PDE3B: variants seen among roughly 807,000 people sequenced by gnomAD.
The protein encoded by PDE3B is phosphodiesterase 3B.
Under a neutral mutation model 116.8 loss-of-function variants are expected in PDE3B, and 66 were observed. The ratio of observed to expected loss-of-function variants is 0.56; its 90% CI spans 0.46 to 0.69. The LOEUF (loss-of-function observed/expected upper bound fraction) is 0.69, where lower values mean the gene tolerates loss of function less well. Ranked by LOEUF, PDE3B falls within the 30% of genes least tolerant of loss-of-function variation. PDE3B has a pLI of 0.00. For synonymous variants in PDE3B, 595 were observed against 533.6 expected (o/e 1.12, Z -1.59); for missense variants, 1,384 against 1,368.1 (o/e 1.01, Z -0.18).
intron 12 of PDE3B, among the ~76,000 whole-genome samples, chr11:14,846,643 A>T (rs2133977121): frequency 6.6e-6 from 1 of 152,320 alleles, no homozygotes; most frequent in South Asian, 2.1e-4. Flanking sequence ...GGATGGAGGA[A>T]GATCTACCAA....
chr11:14,848,495 T>C (rs1317293691), intron 12 of PDE3B, among the ~76,000 whole-genome samples: 1 of 151,658 alleles, frequency 6.6e-6, no homozygotes, highest in Non-Finnish European at 1.5e-5. Flanking sequence ...CCAGGGCAAT[T>C]AGGCAGGAGA....
chr11:14,782,156 A>G (rs530313893), intron 2 of PDE3B, among the ~76,000 whole-genome samples: 356 of 152,320 alleles, frequency 2.3e-3, no homozygotes, highest in African/African-American at 8.2e-3. Flanking sequence ...ACGAAGTAAA[A>G]GAGGACACAA....
chr11:14,819,953 A>G (rs1859467469), intron 7 of PDE3B, among the ~76,000 whole-genome samples: 1 of 152,120 alleles, frequency 6.6e-6, no homozygotes, highest in Non-Finnish European at 1.5e-5. Flanking sequence ...CAGAGGCTAG[A>G]GTTGAAGGCT....
At chr11:14,827,941 A>T (rs1035481559) in intron 7 of PDE3B, among the ~76,000 whole-genome samples, 3 of 152,186 alleles carry the variant, frequency 2.0e-5, no homozygotes, top group Non-Finnish European at 2.9e-5. Flanking sequence ...GTAACAAAAT[A>T]TCATGGTACT....
At chr11:14,790,157 G>C (rs1344327276) in intron 4 of PDE3B, among the ~76,000 whole-genome samples, 1 of 151,878 alleles carries the variant, frequency 6.6e-6, no homozygotes, top group African/African-American at 2.4e-5. Flanking sequence ...TAGATTCTTA[G>C]GTGGTTTATT....
At chr11:14,878,261 A>G in the PDE3B span, 43 of 1,612,954 alleles carry the variant, frequency 2.7e-5, no homozygotes, top group Non-Finnish European at 3.5e-5. Flanking sequence ...GAACATTTCC[A>G]TCCGAGCCAA....
intron 10 of PDE3B, among the ~76,000 whole-genome samples, chr11:14,833,074 C>G (rs781544849): frequency 2.0e-5 from 3 of 151,892 alleles, no homozygotes; most frequent in Non-Finnish European, 4.4e-5. Flanking sequence ...TCTTGGCCCT[C>G]GCAGGTAGCT....
At chr11:14,715,828 A>G (rs969157412) in intron 1 of PDE3B, among the ~76,000 whole-genome samples, 7 of 152,172 alleles carry the variant, frequency 4.6e-5, no homozygotes, top group Non-Finnish European at 8.8e-5. Flanking sequence ...GCATTGCGAC[A>G]CTATTAACAG....
chr11:14,649,486 C>G (rs1171693552), intron 1 of PDE3B, among the ~76,000 whole-genome samples: 1 of 152,198 alleles, frequency 6.6e-6, no homozygotes, highest in South Asian at 2.1e-4. Flanking sequence ...TAGGTCTTTA[C>G]TCCTAGTCCA....
intron 1 of PDE3B, among the ~76,000 whole-genome samples, chr11:14,725,983 G>T (rs1856295648): frequency 6.6e-6 from 1 of 152,052 alleles, no homozygotes; most frequent in South Asian, 2.1e-4. Context: ...ATTTTGGAAT[G>T]CTCTTTCCCT....
intron 13 of PDE3B, among the ~76,000 whole-genome samples, chr11:14,860,781 T>C (rs1384337863): frequency 6.6e-6 from 1 of 152,202 alleles, no homozygotes; most frequent in Non-Finnish European, 1.5e-5. Flanking sequence ...CACTATATCA[T>C]GTTGCCTTTC....
intron 1 of PDE3B, among the ~76,000 whole-genome samples, chr11:14,668,659 A>G (rs1440577666): frequency 6.6e-6 from 1 of 152,154 alleles, no homozygotes; most frequent in African/African-American, 2.4e-5. Flanking sequence ...ATACAATGAA[A>G]GGAAGGTCCC....
intron 1 of PDE3B, among the ~76,000 whole-genome samples, chr11:14,709,713 T>A (rs940368382): frequency 1.3e-5 from 2 of 152,206 alleles, no homozygotes; most frequent in Admixed American, 1.3e-4. Flanking sequence ...GTGCTGTTGC[T>A]TTCCTTGTAA....
chr11:14,786,293 C>A (rs1858192202), intron 2 of PDE3B, 144 bp from the exon 3 acceptor site: 3 of 528,320 alleles, frequency 5.7e-6, no homozygotes, highest in South Asian at 6.4e-5. Flanking sequence ...ATGTGATAAT[C>A]AGCTAGCGAA....
intron 4 of PDE3B, among the ~76,000 whole-genome samples, chr11:14,798,512 G>C (rs569019371): frequency 6.6e-6 from 1 of 152,250 alleles, no homozygotes; most frequent in East Asian, 1.9e-4. Flanking sequence ...AATGGTACTA[G>C]CTCCTCTTTG....
chr11:14,885,969 T>C, the PDE3B span: 1 of 1,571,178 alleles, frequency 6.4e-7, no homozygotes, highest in Admixed American at 1.7e-5. Flanking sequence ...TATGGAGAAA[T>C]ATAACCATGG....
intron 1 of PDE3B, among the ~76,000 whole-genome samples, chr11:14,667,351 G>T (rs183098608): frequency 7.8e-4 from 118 of 151,566 alleles, no homozygotes; most frequent in African/African-American, 2.6e-3. Context: ...GAGTTAATGA[G>T]TGCAGCACAC....
chr11:14,782,765 C>T (rs1858053109), intron 2 of PDE3B, among the ~76,000 whole-genome samples: 1 of 152,120 alleles, frequency 6.6e-6, no homozygotes, highest in Non-Finnish European at 1.5e-5. Flanking sequence ...CAAATGGGAT[C>T]TAATTAAACT....
At chr11:14,692,593 A>C (rs1331458645) in intron 1 of PDE3B, among the ~76,000 whole-genome samples, 4 of 152,094 alleles carry the variant, frequency 2.6e-5, no homozygotes, top group Non-Finnish European at 4.4e-5. Context: ...TATTATGACT[A>C]TTTGTGATCA....
Sources: allele counts gnomAD v4.1 joint callset (sites outside exome capture counted in the v4.1 genomes callset), GRCh38; gene constraint gnomAD v4.1.1; transcripts MANE v1.5; gene names NCBI Gene and HGNC (gene_info 2026-07-23, HGNC 2026-07-21).